The following DNAH10 variants were observed in gnomAD, a reference collection of about 807,000 sequenced individuals.
The protein encoded by DNAH10 is axonemal beta dynein heavy chain 10.
Under a neutral mutation model 506.6 loss-of-function variants are expected in DNAH10, and 348 were observed. That is an observed-to-expected ratio of 0.69 (90% confidence interval 0.63 to 0.75). The LOEUF (loss-of-function observed/expected upper bound fraction) is 0.75, where lower values mean the gene tolerates loss of function less well. Among genes scored for constraint, DNAH10 ranks in the 30% least tolerant of loss-of-function variants. The pLI, the probability that DNAH10 is intolerant of heterozygous loss-of-function variation, is 0.00. For missense variants in DNAH10, 5,179 were observed against 5,787.1 expected (o/e 0.89, Z 3.41); for synonymous variants, 2,059 against 2,198.6 (o/e 0.94, Z 1.78).
intron 45 of DNAH10, among the ~76,000 whole-genome samples, chr12:123,872,077 A>G (rs79613417): frequency 0.034 from 5,147 of 152,240 alleles, 256 homozygotes; most frequent in African/African-American, 0.11. Context: ...GCACCAGGGC[A>G]TGGACACCTG....
At chr12:123,801,213 G>A (rs1958469275) in intron 15 of DNAH10, 68 bp from the exon 16 acceptor site, 3 of 1,503,534 alleles carry the variant, frequency 2.0e-6, no homozygotes, top group Non-Finnish European at 2.7e-6. Context: ...GTAATCTCTT[G>A]ACCGCAAAAG....
intron 45 of DNAH10, among the ~76,000 whole-genome samples, chr12:123,872,726 A>G (rs1048329276): frequency 2.6e-5 from 4 of 151,988 alleles, no homozygotes; most frequent in African/African-American, 9.7e-5. Context: ...AAGAAGGGTC[A>G]CTTGAGGCTG....
At chr12:123,908,529 T>G (rs74624536) in intron 57 of DNAH10, 49,882 of 456,084 alleles carry the variant, frequency 0.11, 3,249 homozygotes, top group African/African-American at 0.19. Context: ...TGGCTTTCAC[T>G]GACCTTGCCT....
intron 56 of DNAH10, among the ~76,000 whole-genome samples, chr12:123,899,320 C>T (rs1168881183): frequency 1.3e-5 from 2 of 152,182 alleles, no homozygotes; most frequent in African/African-American, 2.4e-5. Context: ...ACGGCTCCTG[C>T]AGCCCACAGC....
intron 62 of DNAH10, 150 bp downstream of exon 62, chr12:123,915,149 G>GCTCCGC (rs1200672984): frequency 6.1e-6 from 7 of 1,156,632 alleles, no homozygotes; most frequent in East Asian, 2.7e-5. Flanking sequence ...CCCTCCCCCG[G>GCTCCGC]CTCCGCCTCC....
chr12:123,779,328 C>T (rs1318302592), intron 5 of DNAH10, among the ~76,000 whole-genome samples: 1 of 152,130 alleles, frequency 6.6e-6, no homozygotes, highest in Non-Finnish European at 1.5e-5. Flanking sequence ...GCATAAGCTA[C>T]CATGCCCAGC....
intron 10 of DNAH10, among the ~76,000 whole-genome samples, chr12:123,789,641 C>A (rs1016977398): frequency 1.3e-5 from 2 of 152,140 alleles, no homozygotes; most frequent in Non-Finnish European, 2.9e-5. Flanking sequence ...CCCTCAGCCT[C>A]CCTGAAGCAC....
intron 57 of DNAH10, among the ~76,000 whole-genome samples, chr12:123,905,220 C>T (rs551053235): frequency 2.4e-4 from 36 of 152,250 alleles, no homozygotes; most frequent in African/African-American, 1.9e-4. Context: ...CTTCACATTC[C>T]ATTGTGTGGC....
At chr12:123,883,303 C>T (rs973947598) in intron 51 of DNAH10, among the ~76,000 whole-genome samples, 1 of 152,192 alleles carries the variant, frequency 6.6e-6, no homozygotes, top group Non-Finnish European at 1.5e-5. Context: ...GTGGCTGCAC[C>T]GTTTTCCATT....
chr12:123,895,979 G>T (rs1330796324), intron 54 of DNAH10, among the ~76,000 whole-genome samples: 2 of 151,826 alleles, frequency 1.3e-5, no homozygotes, highest in Non-Finnish European at 2.9e-5. Flanking sequence ...TGGGTGTGGT[G>T]GTGGGCACCT....
At chr12:123,896,148 C>CACATAGAGAGAGAGAG (rs1383690518) in intron 54 of DNAH10, among the ~76,000 whole-genome samples, 2 of 95,270 alleles carry the variant, frequency 2.1e-5, no homozygotes, top group Non-Finnish European at 1.9e-5. Context: ...CACACACACA[C>CACATAGAGAGAGAGAG]AGAGAGAGAG....
At chr12:123,836,916 A>G (rs1961191826) in intron 28 of DNAH10, among the ~76,000 whole-genome samples, 1 of 151,304 alleles carries the variant, frequency 6.6e-6, no homozygotes, top group African/African-American at 2.4e-5. Context: ...GCAGTGGCAC[A>G]ATCTTGACTC....
In DNAH10 at chr12:123,909,505, G is replaced by A; in HGVS notation, c.9997+63G>A. 1 of 1,486,110 alleles carries A rather than the reference G, an allele frequency of 6.7e-7. No individual in the cohort carries two copies. Among genetic ancestry groups the A allele is most frequent in the Non-Finnish European group, 9.0e-7 (1 of 1,112,696 alleles). 92.1% of individuals were successfully genotyped at this position (1,486,110 alleles called of 1,614,324 possible). A position where few individuals can be genotyped will look rare whatever the true frequency, so the allele number is the denominator to read the frequency against. On this transcript the variant is annotated intron_variant, in intron 58 of 78. Transcript: ENST00000673944. The surrounding 1 kb of genome is among the most constrained non-coding windows in gnomAD (Gnocchi z 5.4). ...CTCGGTCTGGCATCTCAGGCTCTGGGACAGGGATGGAGGGCAAGGAGGCTT... is the reference window on the plus strand; with the variant it reads ...CTCGGTCTGGCATCTCAGGCTCTGGAACAGGGATGGAGGGCAAGGAGGCTT...
intron 24 of DNAH10, among the ~76,000 whole-genome samples, chr12:123,822,500 TA>T (rs1359447300): frequency 1.1e-4 from 16 of 152,204 alleles, no homozygotes; most frequent in Non-Finnish European, 4.4e-5. Context: ...TCTGTATCTA[TA>T]ACCTGTATCT....
chr12:123,889,620 A>G (rs1421745058), intron 52 of DNAH10, among the ~76,000 whole-genome samples: 1 of 152,204 alleles, frequency 6.6e-6, no homozygotes, highest in African/African-American at 2.4e-5. Context: ...GAGTGTGGGC[A>G]GGAGCATCTC....
intron 39 of DNAH10, among the ~76,000 whole-genome samples, chr12:123,863,978 C>G (rs532781968): frequency 6.6e-6 from 1 of 152,308 alleles, no homozygotes; most frequent in South Asian, 2.1e-4. Flanking sequence ...ATGACACTTT[C>G]TGTCTTCATG....
chr12:123,805,607 C>T (rs1465282935), intron 18 of DNAH10, among the ~76,000 whole-genome samples: 1 of 152,142 alleles, frequency 6.6e-6, no homozygotes, highest in African/African-American at 2.4e-5. Flanking sequence ...AGTTTAGGAT[C>T]ATTCTAGGAA....
chr12:123,855,955 A>G lies in DNAH10; in HGVS notation c.6439-1101A>G, dbSNP rs958258953. 2.0e-5 allele frequency among the ~76,000 whole-genome samples: 3 copies of G among 149,322 alleles called. No homozygotes were observed. The South Asian group carries it at 6.3e-4, about 31-fold the overall frequency. ...TGTATTGTATATTTCACTTTTATAT[A>G]TTTTATTTTACATTTTTATTTTCAT... On this transcript the variant is annotated intron_variant, in intron 36 of 78. Transcript: ENST00000673944.
chr12:123,789,025 G>T (rs1023421724), intron 10 of DNAH10, among the ~76,000 whole-genome samples: 1 of 152,160 alleles, frequency 6.6e-6, no homozygotes, highest in African/African-American at 2.4e-5. Flanking sequence ...CAAGGTGGGC[G>T]GATCACGAGG....
Sources: gnomAD v4.1 joint callset for allele counts (sites outside exome capture counted in the v4.1 genomes callset) on GRCh38, gnomAD v4.1.1 for gene constraint, Gnocchi (gnomAD v3.1) non-coding constraint, MANE v1.5 for transcripts, NCBI Gene and HGNC (gene_info 2026-07-23, HGNC 2026-07-21) for gene names.